Variants in MBTD1 observed in about 807,000 individuals in gnomAD.
MBTD1 encodes mbt domain containing 1.
MBTD1 carries 24 observed loss-of-function variants against 87.8 expected under a neutral mutation model. That is an observed-to-expected ratio of 0.27 (90% CI 0.20 to 0.38). The LOEUF (loss-of-function observed/expected upper bound fraction) is 0.38. Ranked by LOEUF, MBTD1 falls within the 10% of genes least tolerant of loss-of-function variation. The pLI is 1.00. For missense variants in MBTD1, 436 were observed against 760.2 expected (o/e 0.57, Z 5.02); for synonymous variants, 237 against 248.6 (o/e 0.95, Z 0.44).
chr17:51,213,159 C>A (rs2052354801), intron 6 of MBTD1, among the ~76,000 whole-genome samples: 1 of 152,178 alleles, frequency 6.6e-6, no homozygotes, highest in African/African-American at 2.4e-5. Context: ...CCCCTTCAGC[C>A]TCCTGAGTAG....
chr17:51,233,530 G>A (rs1332064037), intron 2 of MBTD1, among the ~76,000 whole-genome samples: 3 of 152,008 alleles, frequency 2.0e-5, no homozygotes, highest in South Asian at 4.1e-4. Context: ...TTCAAAAAGC[G>A]AGTGTGTGTG....
rs964772487 is a variant in MBTD1 at position 51,223,673 on chromosome 17, T to G, written c.154+1335A>C. 2.0e-5 allele frequency among the ~76,000 whole-genome samples: 3 copies of G among 151,888 alleles called. No individual in the cohort carries two copies. The South Asian group carries it at 6.2e-4, about 32-fold the overall frequency. On this transcript the variant is annotated intron_variant, in intron 3 of 16. Transcript: ENST00000586178. Reference sequence around the variant, plus strand: ...CAATATGGTGAAACCCTATCTTTACTAAAAATATGAAAATACGCCAGGCAT... The same window carrying G: ...CAATATGGTGAAACCCTATCTTTACGAAAAATATGAAAATACGCCAGGCAT...
At chr17:51,206,635 A>G (rs1468112531) in intron 7 of MBTD1, among the ~76,000 whole-genome samples, 2 of 152,176 alleles carry the variant, frequency 1.3e-5, no homozygotes, top group Non-Finnish European at 2.9e-5. Flanking sequence ...AATCATGTCC[A>G]TTTGTTTATG....
intron 6 of MBTD1, among the ~76,000 whole-genome samples, chr17:51,208,800 A>T (rs889411820): frequency 5.9e-5 from 9 of 152,196 alleles, no homozygotes; most frequent in African/African-American, 2.2e-4. Context: ...TTATTTTTTT[A>T]AAGCCTTAAC....
At chr17:51,228,835 T>C (rs1427652200) in intron 2 of MBTD1, among the ~76,000 whole-genome samples, 3 of 130,356 alleles carry the variant, frequency 2.3e-5, no homozygotes, top group Non-Finnish European at 3.1e-5. Flanking sequence ...GAGGCAGAGA[T>C]TGCAGTGAGC....
At chr17:51,230,105 A>G (rs1324029723) in intron 2 of MBTD1, among the ~76,000 whole-genome samples, 1 of 152,232 alleles carries the variant, frequency 6.6e-6, no homozygotes, top group African/African-American at 2.4e-5. Flanking sequence ...TTGGTTCTGA[A>G]TAACTTTTAG....
At chr17:51,260,393 A>C (rs2055404825), upstream of MBTD1, 3 of 620,966 alleles carry the variant, frequency 4.8e-6, no homozygotes, top group African/African-American at 2.0e-5. Context: ...CTCCCGGAGG[A>C]ACTCCCACAC....
At chr17:51,231,537 T>C (rs1165914410) in intron 2 of MBTD1, among the ~76,000 whole-genome samples, 1 of 152,222 alleles carries the variant, frequency 6.6e-6, no homozygotes, top group Admixed American at 6.5e-5. Flanking sequence ...AACATTATAG[T>C]GATTAAAGAG....
intron 2 of MBTD1, among the ~76,000 whole-genome samples, chr17:51,258,145 T>C (rs953186495): frequency 6.6e-6 from 1 of 151,858 alleles, no homozygotes; most frequent in African/African-American, 2.4e-5. Context: ...GAGAGAAAAA[T>C]TGAGTCTAAC....
chr17:51,250,866 C>A (rs932890340), intron 2 of MBTD1: 1 of 152,154 alleles, frequency 6.6e-6, no homozygotes, highest in Non-Finnish European at 1.5e-5. Context: ...AAACAAAAAT[C>A]TCATCTCAAT....
upstream of MBTD1, chr17:51,260,157 C>T: frequency 5.4e-6 from 2 of 369,186 alleles, no homozygotes; most frequent in Non-Finnish European, 9.7e-6. Context: ...CCTCTGCAGG[C>T]TCCGTACTCC....
intron 2 of MBTD1, among the ~76,000 whole-genome samples, chr17:51,233,846 A>C (rs941665305): frequency 1.3e-5 from 2 of 152,162 alleles, no homozygotes; most frequent in African/African-American, 4.8e-5. Flanking sequence ...CAAAAAGAGA[A>C]GGGAATCAAA....
chr17:51,222,445 C>G (rs868545876), intron 3 of MBTD1, among the ~76,000 whole-genome samples: 1 of 152,142 alleles, frequency 6.6e-6, no homozygotes, highest in East Asian at 1.9e-4. Flanking sequence ...CGCTCTGTCA[C>G]CCAGGCTGGA....
chr17:51,217,854 G>T (rs141644976), intron 5 of MBTD1, among the ~76,000 whole-genome samples: 1 of 152,018 alleles, frequency 6.6e-6, no homozygotes, highest in African/African-American at 2.4e-5. Flanking sequence ...TGATCCACCT[G>T]TCTTGGCCCT....
At chr17:51,209,418 C>T (rs548135496) in intron 6 of MBTD1, 201 of 471,194 alleles carry the variant, frequency 4.3e-4, no homozygotes, top group Admixed American at 7.3e-4. Flanking sequence ...TATCTGGGAG[C>T]GACTCTCCTT....
chr17:51,230,533 A>C (rs1165855517), intron 2 of MBTD1, among the ~76,000 whole-genome samples: 1 of 152,192 alleles, frequency 6.6e-6, no homozygotes, highest in Non-Finnish European at 1.5e-5. Flanking sequence ...AGAGTCACTC[A>C]AGCAGGGGCG....
chr17:51,192,677 A>AG (rs2050870396), intron 15 of MBTD1, 105 bp downstream of exon 15: 1 of 1,537,940 alleles, frequency 6.5e-7, no homozygotes. Context: ...AATCAGACAT[A>AG]GGTATATTCT....
At chr17:51,242,478 T>C (rs985310738) in intron 2 of MBTD1, among the ~76,000 whole-genome samples, 9 of 152,242 alleles carry the variant, frequency 5.9e-5, no homozygotes. Flanking sequence ...GTCACTTTTC[T>C]CTAGACTGAC....
chr17:51,220,727 G>C (rs932703545), intron 3 of MBTD1, among the ~76,000 whole-genome samples: 1 of 152,152 alleles, frequency 6.6e-6, no homozygotes, highest in African/African-American at 2.4e-5. Flanking sequence ...AACAGAAACA[G>C]GGCAGATACG....
Sources: allele counts gnomAD v4.1 joint callset (sites outside exome capture counted in the v4.1 genomes callset), GRCh38; gene constraint gnomAD v4.1.1; transcripts MANE v1.5; gene names NCBI Gene and HGNC (gene_info 2026-07-23, HGNC 2026-07-21).